TBCD: variants seen among roughly 807,000 people sequenced by gnomAD.
The protein encoded by TBCD is tubulin-specific chaperone D.
TBCD carries 105 observed loss-of-function variants against 169.3 expected under a neutral mutation model. That is an observed-to-expected ratio of 0.62 (90% CI 0.53 to 0.73). The LOEUF (loss-of-function observed/expected upper bound fraction) is 0.73, where lower values mean the gene tolerates loss of function less well. Ranked by LOEUF, TBCD falls within the 30% of genes least tolerant of loss-of-function variation. The probability of loss-of-function intolerance (pLI) is 0.00; values close to 1 mark genes in which losing one functional copy is unlikely to be tolerated. For missense variants in TBCD, 1,444 were observed against 1,600.1 expected (o/e 0.90, Z 1.66); for synonymous variants, 700 against 643.9 (o/e 1.09, Z -1.32).
chr17:82,804,083 A>G (rs1598601164), intron 9 of TBCD, among the ~76,000 whole-genome samples: 1 of 37,490 alleles, frequency 2.7e-5, no homozygotes, highest in African/African-American at 1.2e-4. Context: ...TTTAGGGGAG[A>G]GTGGGGGCTG....
intron 13 of TBCD, among the ~76,000 whole-genome samples, chr17:82,828,174 C>G (rs1371521661): frequency 6.8e-6 from 1 of 147,574 alleles, no homozygotes; most frequent in Non-Finnish European, 1.5e-5. Context: ...CACACCCGTA[C>G]AATCGAATGC....
At chr17:82,808,341 GGA>G (rs967950256) in intron 11 of TBCD, among the ~76,000 whole-genome samples, 12 of 150,714 alleles carry the variant, frequency 8.0e-5, no homozygotes, top group African/African-American at 2.9e-4. Context: ...TACCTTCTGT[GGA>G]GGGGATGAGG....
intron 6 of TBCD, 80 bp from the exon 7 acceptor site, chr17:82,781,509 G>T: frequency 6.4e-7 from 1 of 1,560,548 alleles, no homozygotes; most frequent in African/African-American, 1.3e-5. Context: ...CTGGGGAGGT[G>T]GGTGTGTGTG....
intron 33 of TBCD, among the ~76,000 whole-genome samples, chr17:82,932,398 G>A (rs2062282611): frequency 6.6e-6 from 1 of 152,204 alleles, no homozygotes; most frequent in South Asian, 2.1e-4. Context: ...TGTGCCCGAC[G>A]TGTTTGCTTC....
intron 13 of TBCD, among the ~76,000 whole-genome samples, chr17:82,853,750 C>A (rs902887236): frequency 6.6e-6 from 1 of 151,966 alleles, no homozygotes; most frequent in Non-Finnish European, 1.5e-5. Flanking sequence ...TCTTTTCTGT[C>A]TTTTAATTTT....
intron 27 of TBCD, among the ~76,000 whole-genome samples, chr17:82,926,100 AC>A (rs1281421806): frequency 8.0e-5 from 4 of 50,302 alleles, no homozygotes; most frequent in Non-Finnish European, 1.4e-4. Context: ...GCTGGAGGTG[AC>A]CTCTCCCCGG....
intron 23 of TBCD, among the ~76,000 whole-genome samples, chr17:82,917,216 C>T (rs1252931179): frequency 1.3e-5 from 2 of 151,968 alleles, no homozygotes; most frequent in Admixed American, 6.6e-5. Flanking sequence ...GATGGGGTTT[C>T]ACCACGTTGG....
rs55681405 is a variant in TBCD at position 82,884,019 on chromosome 17, G to T, written c.1476-126G>T. Reference sequence around the variant, plus strand: ...CCCTGGGTGCCTCAAGCTGTGTGTTGCCTGTGGGGCATGTCTGAACCTCAA... The same window carrying T: ...CCCTGGGTGCCTCAAGCTGTGTGTTTCCTGTGGGGCATGTCTGAACCTCAA... On this transcript the variant is annotated intron_variant, in intron 14 of 38. Transcript: ENST00000355528. The surrounding 1 kb of genome is among the most constrained non-coding windows in gnomAD (Gnocchi z 4.2). 118,970 of 848,006 alleles carry T rather than the reference G, an allele frequency of 0.14. 10,186 individuals are homozygous for T. Among genetic ancestry groups the T allele is most frequent in the South Asian group, 0.29 (19,130 of 65,066 alleles). The allele number at this position is 848,006 out of a possible 1,614,324, so 52.5% of individuals were successfully genotyped here.
chr17:82,931,281 T>C (rs1478189498), intron 33 of TBCD, among the ~76,000 whole-genome samples: 2 of 152,274 alleles, frequency 1.3e-5, no homozygotes, highest in African/African-American at 4.8e-5. Context: ...AGCCATGTTT[T>C]CTTTTCTCGT....
intron 13 of TBCD, among the ~76,000 whole-genome samples, chr17:82,841,424 C>A (rs780934735): frequency 4.0e-5 from 6 of 150,554 alleles, no homozygotes; most frequent in Non-Finnish European, 7.4e-5. Flanking sequence ...CTCGAGTGAT[C>A]CTCCCGCCTC....
At position 82,915,744 on chromosome 17, in the gene TBCD, C is replaced by T. The variant is rs890444543; in HGVS notation, c.2038+3955C>T. ...TCACAGCCTTGCACCAGAGGCGTCA[C>T]GAGAATCAGGAAAAGTTCTCCTCTC... On this transcript the variant is annotated intron_variant, in intron 23 of 38. Transcript: ENST00000355528. The surrounding 1 kb of genome is among the most constrained non-coding windows in gnomAD (Gnocchi z 4.3). 6.6e-6 allele frequency among the ~76,000 whole-genome samples: 1 copy of T among 152,162 alleles called. No homozygotes were observed. The highest frequency in any genetic ancestry group is 6.5e-5 in the Admixed American group (1 of 15,272).
intron 13 of TBCD, among the ~76,000 whole-genome samples, chr17:82,828,482 G>A (rs1193475579): frequency 1.4e-5 from 2 of 142,512 alleles, no homozygotes; most frequent in Admixed American, 7.2e-5. Flanking sequence ...ACACACACGT[G>A]CACATCCACA....
At chr17:82,939,212 G>C in intron 36 of TBCD, 155 bp from the exon 37 acceptor site, 1 of 672,094 alleles carries the variant, frequency 1.5e-6, no homozygotes, top group African/African-American at 1.8e-5. Flanking sequence ...ACCTCCTCTT[G>C]GTTGCAGCCC....
At chr17:82,798,672 C>G (rs1293914686) in intron 8 of TBCD, among the ~76,000 whole-genome samples, 1 of 152,204 alleles carries the variant, frequency 6.6e-6, no homozygotes. Context: ...GAGGTTGGAC[C>G]TGGCTTCTTG....
chr17:82,803,320 G>A (rs138779131), intron 9 of TBCD, among the ~76,000 whole-genome samples: 15 of 152,262 alleles, frequency 9.9e-5, no homozygotes, highest in East Asian at 1.9e-4. Flanking sequence ...TTTCTCTCCC[G>A]TCCTGCTGGG....
intron 13 of TBCD, among the ~76,000 whole-genome samples, chr17:82,862,359 A>G (rs2056841833): frequency 6.6e-6 from 1 of 151,108 alleles, no homozygotes; most frequent in African/African-American, 2.4e-5. Context: ...GGGTCAGGAG[A>G]AGCCTCTCGG....
rs1200552109 is a variant in TBCD at position 82,835,610 on chromosome 17, A to G, written c.1318+20676A>G. On this transcript the variant is annotated intron_variant, in intron 13 of 38. Coordinates refer to ENST00000355528, the MANE Select transcript of TBCD (RefSeq NM_005993.5). This position sits in a 1 kb window ranked among gnomAD's most constrained non-coding sequence, Gnocchi z 4.5. ...GCTAATTTTTTTGTAATTTTAGTAG[A>G]GATGGGGTTTCACTATGTTGGCCCG... Among the ~76,000 whole-genome samples, 3 of 151,962 alleles carry G rather than the reference A, an allele frequency of 2.0e-5. No homozygotes were observed. The highest frequency in any genetic ancestry group is 7.3e-5 in the African/African-American group (3 of 41,358).
chr17:82,807,847 G>A (rs912830420), intron 11 of TBCD, among the ~76,000 whole-genome samples, 179 bp downstream of exon 11: 2 of 152,212 alleles, frequency 1.3e-5, no homozygotes, highest in African/African-American at 4.8e-5. Flanking sequence ...GCGGAGCTTC[G>A]GTCTCCTCCG....
chr17:82,779,000 GTTTATTTATTTA>G (rs72200309), intron 6 of TBCD, among the ~76,000 whole-genome samples: 4,782 of 147,920 alleles, frequency 0.032, 126 homozygotes, highest in African/African-American at 0.076. Flanking sequence ...TAGAGATGGG[GTTTATTTATTTA>G]TTTATTTATT....
Sources: gnomAD v4.1 joint callset for allele counts (sites outside exome capture counted in the v4.1 genomes callset) on GRCh38, gnomAD v4.1.1 for gene constraint, Gnocchi (gnomAD v3.1) non-coding constraint, MANE v1.5 for transcripts, NCBI Gene and HGNC (gene_info 2026-07-23, HGNC 2026-07-21) for gene names.